The following CAV1 variants were observed in gnomAD, a reference collection of about 807,000 sequenced individuals.
The protein encoded by CAV1 is caveolin 1.
CAV1 carries 10 observed loss-of-function variants against 16.5 expected under a neutral mutation model. That is an observed-to-expected ratio of 0.61 (90% CI 0.37 to 1.03). The LOEUF (loss-of-function observed/expected upper bound fraction) is 1.03. CAV1 is among the 50% of genes least tolerant of loss of function. The pLI is 0.01. For synonymous variants in CAV1, 76 were observed against 85.1 expected (o/e 0.89, Z 0.59); for missense variants, 212 against 232.8 (o/e 0.91, Z 0.58).
At chr7:116,534,362 G>GATATATATATAT (rs1181031913) in intron 2 of CAV1, among the ~76,000 whole-genome samples, 95 of 42,338 alleles carry the variant, frequency 2.2e-3, no homozygotes, top group Middle Eastern at 9.4e-3. Flanking sequence ...GCCCACCTCA[G>GATATATATATAT]ATATATATAT....
At chr7:116,545,415 T>C (rs945914675) in intron 2 of CAV1, among the ~76,000 whole-genome samples, 2 of 152,224 alleles carry the variant, frequency 1.3e-5, no homozygotes, top group African/African-American at 4.8e-5. Context: ...AACAATTCTG[T>C]ATAATGGGCT....
Position 116,526,518 on chromosome 7 carries a change from T to A in CAV1, c.31-7T>A, listed in dbSNP as rs1405507179. 1 of 1,613,610 alleles carries A rather than the reference T, an allele frequency of 6.2e-7. No homozygotes were observed. The highest frequency in any genetic ancestry group is 8.5e-7 in the Non-Finnish European group (1 of 1,179,932). On this transcript the variant is annotated splice_polypyrimidine_tract_variant and splice_region_variant and intron_variant, in intron 1 of 2. Coordinates refer to ENST00000341049, the MANE Select transcript of CAV1 (RefSeq NM_001753.5). ...CGTCCTGGCCGTCCGCCCTCCGCCC[T>A]CTGCAGGGACATCTCTACACCGTTC...
chr7:116,555,572 GAA>G (rs1278498434), intron 2 of CAV1, among the ~76,000 whole-genome samples: 3 of 60,302 alleles, frequency 5.0e-5, no homozygotes, highest in African/African-American at 2.1e-4. Flanking sequence ...AAGAAAGAAA[GAA>G]AGAAAGAAAG....
chr7:116,554,848 TAAGC>T (rs1794228851), intron 2 of CAV1, among the ~76,000 whole-genome samples: 1 of 152,160 alleles, frequency 6.6e-6, no homozygotes, highest in Non-Finnish European at 1.5e-5. Context: ...GGGTGAAAAC[TAAGC>T]AAATAAGACA....
Position 116,560,768 on chromosome 7 carries a change from T to C in CAV1, c.*1481T>C, listed in dbSNP as rs568272855. The C allele has an allele frequency of 2.0e-5, 3 of 152,736 alleles. No homozygotes were observed. Among genetic ancestry groups the C allele is most frequent in the Admixed American group, 6.5e-5 (1 of 15,290 alleles). The allele number at this position is 152,736 out of a possible 1,614,324, so 9.5% of individuals were successfully genotyped here. On this transcript the variant is annotated 3_prime_UTR_variant, in exon 3 of 3. Coordinates refer to ENST00000341049, the MANE Select transcript of CAV1 (RefSeq NM_001753.5). ...TTATGATTTTTTTTTCATACACTTA[T>C]TGGAACTCTGCTTGATTTTTGCCTC...
intron 1 of CAV1, 40 bp from the exon 2 acceptor site, chr7:116,526,485 G>T (rs765673187): frequency 2.5e-6 from 4 of 1,612,552 alleles, no homozygotes; most frequent in African/African-American, 2.7e-5. Flanking sequence ...CGCCGTTGCC[G>T]CCCTCCCCGT....
At chr7:116,532,650 C>A (rs945885783) in intron 2 of CAV1, among the ~76,000 whole-genome samples, 1 of 152,196 alleles carries the variant, frequency 6.6e-6, no homozygotes, top group Non-Finnish European at 1.5e-5. Context: ...ACACTCTCAG[C>A]CCCTAGAAAT....
intron 2 of CAV1, among the ~76,000 whole-genome samples, chr7:116,530,198 G>A (rs1381950168): frequency 1.6e-5 from 1 of 61,724 alleles, no homozygotes; most frequent in Non-Finnish European, 3.3e-5. Flanking sequence ...AAACTGATTG[G>A]TCCTTTTTCC....
At chr7:116,525,896 G>A in intron 1 of CAV1, 2 of 946,322 alleles carry the variant, frequency 2.1e-6, no homozygotes, top group Non-Finnish European at 2.5e-6. Flanking sequence ...ACGGCGGATT[G>A]AGCAGGGAGA....
chr7:116,541,635 T>C (rs191039548), intron 2 of CAV1, among the ~76,000 whole-genome samples: 4 of 151,810 alleles, frequency 2.6e-5, no homozygotes, highest in Non-Finnish European at 1.5e-5. Flanking sequence ...ACCTGTAGTC[T>C]CAGCTACTTG....
At chr7:116,542,284 A>T (rs1422146849) in intron 2 of CAV1, among the ~76,000 whole-genome samples, 1 of 151,936 alleles carries the variant, frequency 6.6e-6, no homozygotes, top group Non-Finnish European at 1.5e-5. Context: ...CTGTTCTGTG[A>T]ATTTAGACCA....
chr7:116,558,382 CA>C (rs1231645787), intron 2 of CAV1, among the ~76,000 whole-genome samples: 1 of 152,056 alleles, frequency 6.6e-6, no homozygotes, highest in East Asian at 1.9e-4. Flanking sequence ...GGTAGAGAAA[CA>C]CCTAGAGAAC....
At chr7:116,555,520 G>GAAAGAA (rs1448156661) in intron 2 of CAV1, among the ~76,000 whole-genome samples, 275 of 8,908 alleles carry the variant, frequency 0.031, 53 homozygotes, top group South Asian at 0.069. Context: ...AAGAAAGAAA[G>GAAAGAA]AGAGAGAGAG....
At chr7:116,533,175 A>G (rs889317293) in intron 2 of CAV1, among the ~76,000 whole-genome samples, 2 of 151,956 alleles carry the variant, frequency 1.3e-5, no homozygotes, top group Non-Finnish European at 2.9e-5. Flanking sequence ...CCCCATCTCT[A>G]TGAAAAATAC....
rs749041906 is a variant in CAV1, at chr7:116,526,521, G to A, written c.31-4G>A. On this transcript the variant is annotated splice_polypyrimidine_tract_variant and splice_region_variant and intron_variant, in intron 1 of 2. Coordinates refer to ENST00000341049, the MANE Select transcript of CAV1 (RefSeq NM_001753.5). ...CCTGGCCGTCCGCCCTCCGCCCTCT[G>A]CAGGGACATCTCTACACCGTTCCCA... 7 of 1,613,846 alleles carry A rather than the reference G, an allele frequency of 4.3e-6. No individual in the cohort carries two copies. The East Asian group carries it at 6.7e-5, about 15-fold the overall frequency.
intron 2 of CAV1, among the ~76,000 whole-genome samples, chr7:116,530,996 C>T (rs1384493857): frequency 6.6e-6 from 1 of 152,092 alleles, no homozygotes; most frequent in Non-Finnish European, 1.5e-5. Context: ...GAAGACAATG[C>T]GAAGTGGCAT....
chr7:116,551,276 A>G (rs894025597), intron 2 of CAV1, among the ~76,000 whole-genome samples: 1 of 152,224 alleles, frequency 6.6e-6, no homozygotes, highest in Non-Finnish European at 1.5e-5. Flanking sequence ...GGAGCATTAT[A>G]TTCCAGAGTT....
intron 2 of CAV1, among the ~76,000 whole-genome samples, chr7:116,534,391 A>ATTTTT (rs1562830042): frequency 6.1e-4 from 5 of 8,224 alleles, no homozygotes; most frequent in Non-Finnish European, 7.2e-4. Context: ...ATATATATAT[A>ATTTTT]TATATTTTTT....
chr7:116,532,803 A>G lies in CAV1; in HGVS notation c.195+6114A>G, dbSNP rs1166428560. Among the ~76,000 whole-genome samples, 5 of 152,184 alleles carry G rather than the reference A, an allele frequency of 3.3e-5. No individual in the cohort carries two copies. The East Asian group carries it at 9.6e-4, about 29-fold the overall frequency. On this transcript the variant is annotated intron_variant, in intron 2 of 2. Coordinates refer to ENST00000341049, the MANE Select transcript of CAV1 (RefSeq NM_001753.5). ...TGATTCTAAAGTAAAGACCGACACAAAATTCTTTTTCTTTAGCAGTCAGGA... is the reference window on the plus strand; with the variant it reads ...TGATTCTAAAGTAAAGACCGACACAGAATTCTTTTTCTTTAGCAGTCAGGA...
Sources: allele counts gnomAD v4.1 joint callset (sites outside exome capture counted in the v4.1 genomes callset), GRCh38; gene constraint gnomAD v4.1.1; transcripts MANE v1.5; gene names NCBI Gene and HGNC (gene_info 2026-07-23, HGNC 2026-07-21).